The following MDGA2 variants were observed in gnomAD, a reference collection of about 807,000 sequenced individuals.
MDGA2 encodes the protein MAM domain containing glycosylphosphatidylinositol anchor 2, also known as MAM domain-containing glycosylphosphatidylinositol anchor protein 2.
MDGA2 carries 40 observed loss-of-function variants against 117.8 expected under a neutral mutation model. That is an observed-to-expected ratio of 0.34 (90% CI 0.26 to 0.44). The LOEUF (loss-of-function observed/expected upper bound fraction) is 0.44, where lower values mean the gene tolerates loss of function less well. Among genes scored for constraint, MDGA2 ranks in the 20% least tolerant of loss-of-function variants. The probability of loss-of-function intolerance (pLI) is 1.00; values close to 1 mark genes in which losing one functional copy is unlikely to be tolerated. For missense variants in MDGA2, 1,123 were observed against 1,250.6 expected (o/e 0.90, Z 1.54); for synonymous variants, 452 against 439.0 (o/e 1.03, Z -0.37).
At position 47,369,522 on chromosome 14, in the gene MDGA2, C is replaced by T. The variant is rs151316092; in HGVS notation, c.281-67972G>A. Among the ~76,000 whole-genome samples, 741 of 152,154 alleles carry T rather than the reference C, an allele frequency of 4.9e-3. 3 individuals are homozygous for T. Among genetic ancestry groups the T allele is most frequent in the Non-Finnish European group, 7.8e-3 (533 of 68,000 alleles). On this transcript the variant is annotated intron_variant, in intron 1 of 16. Coordinates refer to ENST00000399232, the MANE Select transcript of MDGA2 (RefSeq NM_001113498.3). The stretch of plus-strand genomic sequence containing the variant: ...ATGTATGAGAACTCAGGGTTTTCAT[C>T]CTCTTACCACCACCCTCCACCCTGC...
intron 5 of MDGA2, among the ~76,000 whole-genome samples, chr14:47,113,421 C>A (rs1449593003): frequency 1.3e-5 from 2 of 152,088 alleles, no homozygotes; most frequent in Non-Finnish European, 2.9e-5. Context: ...ATGAGGCCAG[C>A]ATGATCCTAG....
At chr14:47,641,376 A>G (rs1897420838) in intron 1 of MDGA2, among the ~76,000 whole-genome samples, 1 of 152,088 alleles carries the variant, frequency 6.6e-6, no homozygotes, top group South Asian at 2.1e-4. Flanking sequence ...GTAATCCCTG[A>G]TTCAATGAGT....
intron 9 of MDGA2, among the ~76,000 whole-genome samples, chr14:46,929,371 C>T (rs12884959): frequency 0.3 from 45,414 of 150,398 alleles, 7,238 homozygotes; most frequent in South Asian, 0.53. Flanking sequence ...CATCAAACCC[C>T]TAAAAAGGGA....
At chr14:46,867,357 A>C (rs1222029175) in intron 14 of MDGA2, among the ~76,000 whole-genome samples, 1 of 152,062 alleles carries the variant, frequency 6.6e-6, no homozygotes, top group African/African-American at 2.4e-5. Flanking sequence ...TCACATGGAC[A>C]CAGCAAGGGG....
intron 1 of MDGA2, among the ~76,000 whole-genome samples, chr14:47,552,599 A>C (rs773244427): frequency 2.5e-4 from 38 of 152,116 alleles, no homozygotes; most frequent in Non-Finnish European, 7.4e-5. Flanking sequence ...CCAAACCATC[A>C]CCATCTTTTC....
chr14:47,252,971 G>C (rs1373429637), intron 2 of MDGA2, among the ~76,000 whole-genome samples: 2 of 152,118 alleles, frequency 1.3e-5, no homozygotes, highest in African/African-American at 4.8e-5. Context: ...TGGTACGAGA[G>C]AGAAGAATGA....
intron 1 of MDGA2, among the ~76,000 whole-genome samples, chr14:47,339,796 C>T (rs544452590): frequency 7.9e-5 from 12 of 152,080 alleles, no homozygotes; most frequent in Non-Finnish European, 1.6e-4. Flanking sequence ...TGTATAGCAA[C>T]ACAAACAGAC....
chr14:46,893,567 A>C (rs973598433), intron 10 of MDGA2, among the ~76,000 whole-genome samples: 5 of 152,060 alleles, frequency 3.3e-5, no homozygotes, highest in African/African-American at 1.2e-4. Context: ...GAATACGTTA[A>C]TTTGCGAGAC....
At chr14:47,562,583 T>C (rs1895837468) in intron 1 of MDGA2, among the ~76,000 whole-genome samples, 1 of 152,204 alleles carries the variant, frequency 6.6e-6, no homozygotes, top group Admixed American at 6.5e-5. Flanking sequence ...TTGGTGGTAA[T>C]GTCTCATGTT....
chr14:47,197,453 T>C (rs1885327495), intron 3 of MDGA2, among the ~76,000 whole-genome samples: 1 of 152,026 alleles, frequency 6.6e-6, no homozygotes, highest in Non-Finnish European at 1.5e-5. Context: ...AGCACCCTGA[T>C]CTGGATTTCC....
chr14:46,923,780 C>G (rs1013817128), intron 9 of MDGA2, among the ~76,000 whole-genome samples: 1 of 152,014 alleles, frequency 6.6e-6, no homozygotes, highest in Admixed American at 6.6e-5. Context: ...GCCAATTATA[C>G]TTTATGCTTA....
chr14:47,625,300 T>C (rs1469312947), intron 1 of MDGA2, among the ~76,000 whole-genome samples: 1 of 149,000 alleles, frequency 6.7e-6, no homozygotes, highest in Non-Finnish European at 1.5e-5. Context: ...AAACAATGTT[T>C]ATGCAAAAAC....
intron 3 of MDGA2, among the ~76,000 whole-genome samples, chr14:47,167,604 T>C (rs192715987): frequency 1.3e-5 from 2 of 152,168 alleles, no homozygotes; most frequent in African/African-American, 4.8e-5. Flanking sequence ...CTTCCAAGCA[T>C]CAGGGAGTGC....
In MDGA2 at chr14:46,872,788, T is replaced by G. The variant is rs78740233; in HGVS notation, c.2752+645A>C. Among the ~76,000 whole-genome samples, 556 of 152,088 alleles carry G rather than the reference T, an allele frequency of 3.7e-3. 5 individuals are homozygous for G. The highest frequency in any genetic ancestry group is 0.013 in the African/African-American group (533 of 41,530). On this transcript the variant is annotated intron_variant, in intron 14 of 16. Transcript: ENST00000399232. ...AATTGCACATAAAGAATGGTAGACC[T>G]GCATGATCTTTTTCCCCACAGAGTT...
chr14:47,460,831 A>T (rs1275034469), intron 1 of MDGA2, among the ~76,000 whole-genome samples: 1 of 152,186 alleles, frequency 6.6e-6, no homozygotes, highest in Admixed American at 6.5e-5. Flanking sequence ...AAAACCACAC[A>T]GGCCAATAAG....
chr14:47,160,489 A>ACAT (rs1883588543), intron 3 of MDGA2, among the ~76,000 whole-genome samples: 2 of 152,264 alleles, frequency 1.3e-5, no homozygotes, highest in South Asian at 4.1e-4. Context: ...AACATAGCGA[A>ACAT]ACCCTGCCTC....
chr14:47,285,328 T>A (rs73238716), intron 2 of MDGA2, among the ~76,000 whole-genome samples: 41 of 151,146 alleles, frequency 2.7e-4, no homozygotes, highest in African/African-American at 8.9e-4. Context: ...TTCTACTAAA[T>A]TGATTTTTTT....
At chr14:47,567,354 A>G (rs1895938659) in intron 1 of MDGA2, among the ~76,000 whole-genome samples, 2 of 152,240 alleles carry the variant, frequency 1.3e-5, no homozygotes. Flanking sequence ...AGCTAAAATG[A>G]GGAACATAAC....
At chr14:47,508,381 C>G (rs866082047) in intron 1 of MDGA2, among the ~76,000 whole-genome samples, 1 of 132,826 alleles carries the variant, frequency 7.5e-6, no homozygotes, top group Middle Eastern at 3.9e-3. Flanking sequence ...CTCTCTCTCT[C>G]TGTATATATA....
Sources: gnomAD v4.1 joint callset for allele counts (sites outside exome capture counted in the v4.1 genomes callset) on GRCh38, gnomAD v4.1.1 for gene constraint, MANE v1.5 for transcripts, NCBI Gene and HGNC (gene_info 2026-07-23, HGNC 2026-07-21) for gene names.